ZC4H2: variants seen among roughly 807,000 people sequenced by gnomAD.
The protein encoded by ZC4H2 is zinc finger C4H2-type containing.
For synonymous variants in ZC4H2, 84 were observed against 66.3 expected (o/e 1.27, Z -1.30); for missense variants, 137 against 173.9 (o/e 0.79, Z 1.19).
chrX:65,009,896 G>A lies in ZC4H2; in HGVS notation c.-272+24733C>T, dbSNP rs143255962. The stretch of plus-strand genomic sequence containing the variant: ...TGAAACTGTGTCAGCCTAACTTGTT[G>A]TCTTGCACATAGGGTAAAATCTCAT... On this transcript the variant is annotated intron_variant, in intron 1 of 4. Transcript: ENST00000337990. 3.6e-5 allele frequency among the ~76,000 whole-genome samples: 4 copies of A among 112,081 alleles called. No individual in the cohort carries two copies. The East Asian group carries it at 1.1e-3, about 32-fold the overall frequency.
chrX:64,923,629 T>C (rs1929301446), intron 1 of ZC4H2, among the ~76,000 whole-genome samples: 1 of 110,100 alleles, frequency 9.1e-6, no homozygotes, highest in Non-Finnish European at 1.9e-5. Context: ...GTGGGTAGGA[T>C]GGTGGGAGAA....
chrX:64,954,118 T>G (rs1251035228), intron 1 of ZC4H2, among the ~76,000 whole-genome samples: 5 of 102,783 alleles, frequency 4.9e-5, no homozygotes. Flanking sequence ...AATTGAACAA[T>G]GAGATCACAT....
chrX:64,940,872 G>C (rs894150610), intron 1 of ZC4H2, among the ~76,000 whole-genome samples: 1 of 111,839 alleles, frequency 8.9e-6, no homozygotes, highest in Admixed American at 9.5e-5. Flanking sequence ...GACTGTCTTT[G>C]CTATACGGGC....
intron 1 of ZC4H2, among the ~76,000 whole-genome samples, chrX:64,952,739 C>G (rs976163754): frequency 1.5e-4 from 17 of 110,180 alleles, no homozygotes; most frequent in African/African-American, 5.6e-4. Flanking sequence ...AATGGCCATA[C>G]TGCCCAAGGT....
chrX:64,945,526 G>T (rs1236732196), intron 1 of ZC4H2, among the ~76,000 whole-genome samples: 1 of 111,642 alleles, frequency 9.0e-6, no homozygotes, highest in African/African-American at 3.3e-5. Context: ...GACTCCTGCT[G>T]GGAGGTGTCT....
chrX:65,025,487 C>T (rs949225986), intron 1 of ZC4H2, among the ~76,000 whole-genome samples: 4 of 111,268 alleles, frequency 3.6e-5, no homozygotes, highest in Non-Finnish European at 5.7e-5. Context: ...AAACATTTCT[C>T]CTACCATTTA....
chrX:64,939,488 C>G (rs1930165753), intron 1 of ZC4H2, among the ~76,000 whole-genome samples: 1 of 112,117 alleles, frequency 8.9e-6, no homozygotes, highest in African/African-American at 3.2e-5. Flanking sequence ...CCAAGACACT[C>G]CTAAGCAAAA....
At chrX:64,977,965 T>A (rs767153046), upstream of ZC4H2, among the ~76,000 whole-genome samples, 1 of 111,720 alleles carries the variant, frequency 9.0e-6, no homozygotes, top group Non-Finnish European at 1.9e-5. Context: ...AGGCAGTTAC[T>A]CAGCGTGCAC....
chrX:65,009,535 T>G (rs1437957022), intron 1 of ZC4H2, among the ~76,000 whole-genome samples: 2 of 112,125 alleles, frequency 1.8e-5, no homozygotes, highest in Non-Finnish European at 3.8e-5. Flanking sequence ...TAGCAAACAA[T>G]CTTGGAAAAC....
At chrX:64,968,441 G>T (rs1026891998) in intron 1 of ZC4H2, among the ~76,000 whole-genome samples, 1 of 111,134 alleles carries the variant, frequency 9.0e-6, no homozygotes, top group Non-Finnish European at 1.9e-5. Context: ...AATTTTCAGG[G>T]TGAAATAGTG....
chrX:64,952,377 T>C (rs1350592149), intron 1 of ZC4H2, among the ~76,000 whole-genome samples: 1 of 109,865 alleles, frequency 9.1e-6, no homozygotes, highest in Admixed American at 9.8e-5. Context: ...ATTGAATCTA[T>C]AAATTACCTT....
chrX:64,923,315 A>C (rs1404469742), intron 1 of ZC4H2, among the ~76,000 whole-genome samples: 1 of 111,657 alleles, frequency 9.0e-6, no homozygotes, highest in Non-Finnish European at 1.9e-5. Flanking sequence ...AAAGGGCTAC[A>C]AAGTTTTGAA....
intron 1 of ZC4H2, among the ~76,000 whole-genome samples, chrX:64,930,296 T>C (rs1165796050): frequency 9.0e-6 from 1 of 111,569 alleles, no homozygotes; most frequent in Non-Finnish European, 1.9e-5. Context: ...TCTAGGCATA[T>C]GATCATATCA....
chrX:64,943,894 G>A (rs977830165), intron 1 of ZC4H2, among the ~76,000 whole-genome samples: 1 of 110,716 alleles, frequency 9.0e-6, no homozygotes, highest in African/African-American at 3.3e-5. Flanking sequence ...CTGGTTTGTT[G>A]CACAATAGTT....
At chrX:64,938,410 A>T (rs1930112327) in intron 1 of ZC4H2, among the ~76,000 whole-genome samples, 1 of 111,927 alleles carries the variant, frequency 8.9e-6, no homozygotes, top group South Asian at 3.7e-4. Context: ...ACAGAAAAAG[A>T]GGGAATACTC....
chrX:65,022,605 G>A (rs1932845143), intron 1 of ZC4H2, among the ~76,000 whole-genome samples: 1 of 111,312 alleles, frequency 9.0e-6, no homozygotes, highest in African/African-American at 3.3e-5. Flanking sequence ...AAAGTCTTAG[G>A]ATACAAAATC....
At chrX:64,919,330 C>T in intron 3 of ZC4H2, 126 bp from the exon 4 acceptor site, 1 of 739,415 alleles carries the variant, frequency 1.4e-6, no homozygotes, top group Middle Eastern at 3.2e-4. Flanking sequence ...CCCACACCTT[C>T]CCAAGCACAA....
chrX:64,928,276 A>G (rs1929520980), intron 1 of ZC4H2, among the ~76,000 whole-genome samples: 1 of 111,949 alleles, frequency 8.9e-6, no homozygotes. Context: ...TAAGTCTGTA[A>G]TCAATCTTGA....
At chrX:64,961,063 A>G (rs1931369801) in intron 1 of ZC4H2, among the ~76,000 whole-genome samples, 1 of 110,968 alleles carries the variant, frequency 9.0e-6, no homozygotes, top group African/African-American at 3.3e-5. Flanking sequence ...GTCTCTTACT[A>G]TTATTGTCTT....
Sources: allele counts gnomAD v4.1 joint callset (sites outside exome capture counted in the v4.1 genomes callset), GRCh38; gene constraint gnomAD v4.1.1; transcripts MANE v1.5; gene names NCBI Gene and HGNC (gene_info 2026-07-23, HGNC 2026-07-21).